The following STARD13 variants were observed in gnomAD, a reference collection of about 807,000 sequenced individuals.
STARD13 encodes StAR related lipid transfer domain containing 13.
STARD13 carries 62 observed loss-of-function variants against 106.4 expected under a neutral mutation model. The ratio of observed to expected loss-of-function variants is 0.58; its 90% CI spans 0.48 to 0.72. The LOEUF is 0.72. STARD13 is among the 30% of genes least tolerant of loss of function. The pLI, the probability that STARD13 is intolerant of heterozygous loss-of-function variation, is 0.00. For missense variants in STARD13, 1,387 were observed against 1,424.0 expected, an observed-to-expected ratio of 0.97 and a Z score of 0.42; for synonymous variants, 565 against 553.0, an observed-to-expected ratio of 1.02 and a Z score of -0.31.
the STARD13 span, among the ~76,000 whole-genome samples, chr13:33,499,603 CT>C: frequency 0.3 from 13,267 of 43,614 alleles, 2,272 homozygotes; most frequent in Non-Finnish European, 0.34. Flanking sequence ...TCTTCTTCTT[CT>C]TTCTTCTTCT....
At chr13:33,108,447 G>A (rs186970479) in intron 12 of STARD13, among the ~76,000 whole-genome samples, 13 of 150,728 alleles carry the variant, frequency 8.6e-5, no homozygotes, top group East Asian at 5.8e-4. Context: ...GCAAGACCCC[G>A]CCCTGACCAT....
chr13:33,127,192 T>G (rs1379329900), intron 6 of STARD13, among the ~76,000 whole-genome samples, 181 bp downstream of exon 6: 9 of 152,246 alleles, frequency 5.9e-5, no homozygotes, highest in Admixed American at 5.9e-4. Context: ...AATAGAGCAA[T>G]GTTTCCTGTA....
At chr13:33,602,166 G>A in the STARD13 span, among the ~76,000 whole-genome samples, 14 of 149,136 alleles carry the variant, frequency 9.4e-5, no homozygotes, top group African/African-American at 3.0e-4. Flanking sequence ...ATCTCAGCTC[G>A]CTGCAACCTC....
At chr13:33,626,143 A>T in the STARD13 span, among the ~76,000 whole-genome samples, 10 of 152,228 alleles carry the variant, frequency 6.6e-5, no homozygotes, top group Non-Finnish European at 4.4e-5. Flanking sequence ...ACACACACAC[A>T]CATCTGCACA....
intron 1 of STARD13, among the ~76,000 whole-genome samples, chr13:33,228,704 A>C (rs1888746918): frequency 1.3e-5 from 2 of 152,218 alleles, no homozygotes; most frequent in South Asian, 4.1e-4. Context: ...ACAGTTTTAC[A>C]CCTTCGAATA....
the STARD13 span, among the ~76,000 whole-genome samples, chr13:33,608,903 G>A: frequency 1.3e-4 from 20 of 151,812 alleles, no homozygotes; most frequent in Non-Finnish European, 2.6e-4. Flanking sequence ...TGGCTAACAC[G>A]GTGAAACCCT....
chr13:33,380,485 C>T, the STARD13 span, among the ~76,000 whole-genome samples: 4 of 134,206 alleles, frequency 3.0e-5, no homozygotes, highest in Non-Finnish European at 6.3e-5. Flanking sequence ...CCCACCCCCC[C>T]CACACACAAA....
At chr13:33,578,721 A>C in the STARD13 span, among the ~76,000 whole-genome samples, 1 of 152,260 alleles carries the variant, frequency 6.6e-6, no homozygotes, top group Non-Finnish European at 1.5e-5. Flanking sequence ...GACAACCCAC[A>C]ATGAGAGAAA....
chr13:33,492,898 A>G, the STARD13 span, among the ~76,000 whole-genome samples: 51 of 152,332 alleles, frequency 3.3e-4, no homozygotes, highest in Admixed American at 3.3e-4. Context: ...CCTTTCCAGT[A>G]ACAATTATGT....
chr13:33,524,133 T>C, the STARD13 span: 4 of 481,730 alleles, frequency 8.3e-6, no homozygotes, highest in Non-Finnish European at 1.1e-5. Context: ...ACAAGAAAAA[T>C]AGATAATTTG....
the STARD13 span, among the ~76,000 whole-genome samples, chr13:33,668,093 G>A: frequency 2.6e-5 from 4 of 152,140 alleles, no homozygotes; most frequent in East Asian, 1.9e-4. Flanking sequence ...ATGTGGCTGC[G>A]CTGGAGTCTC....
intron 1 of STARD13, among the ~76,000 whole-genome samples, chr13:33,305,907 C>T (rs1282350335): frequency 1.3e-5 from 2 of 152,152 alleles, no homozygotes; most frequent in African/African-American, 4.8e-5. Flanking sequence ...CTGCTTAAAG[C>T]AATTTATAGA....
At chr13:33,444,137 C>G in the STARD13 span, among the ~76,000 whole-genome samples, 2 of 152,082 alleles carry the variant, frequency 1.3e-5, no homozygotes, top group Non-Finnish European at 2.9e-5. Flanking sequence ...TGGGTTTTCT[C>G]TGGGTATTGT....
chr13:33,162,899 C>G (rs1482740671), intron 3 of STARD13, among the ~76,000 whole-genome samples: 2 of 152,100 alleles, frequency 1.3e-5, no homozygotes, highest in African/African-American at 4.8e-5. Context: ...TTTCAGGTAT[C>G]TTTTCAGAAA....
At chr13:33,137,919 G>A in intron 4 of STARD13, among the ~76,000 whole-genome samples, 1 of 152,254 alleles carries the variant, frequency 6.6e-6, no homozygotes, top group East Asian at 1.9e-4. Flanking sequence ...GCAAGGGAGT[G>A]GGAAGTAGGG....
chr13:33,446,651 T>C, the STARD13 span, among the ~76,000 whole-genome samples: 1 of 151,116 alleles, frequency 6.6e-6, no homozygotes, highest in Non-Finnish European at 1.5e-5. Flanking sequence ...AATCTCTCTG[T>C]TTCTAAATAT....
At chr13:33,443,777 G>C in the STARD13 span, among the ~76,000 whole-genome samples, 1 of 151,598 alleles carries the variant, frequency 6.6e-6, no homozygotes, top group Admixed American at 6.6e-5. Context: ...CCAGCTACTT[G>C]GGAGGCTGAG....
the STARD13 span, among the ~76,000 whole-genome samples, chr13:33,580,878 G>A: frequency 1.3e-5 from 2 of 152,044 alleles, no homozygotes; most frequent in Non-Finnish European, 2.9e-5. Flanking sequence ...ATACAAAAAA[G>A]TATCAAAACT....
In STARD13 at chr13:33,111,654, A is replaced by G; in HGVS notation, c.2607+124T>C. 11 of 647,860 alleles carry G rather than the reference A, an allele frequency of 1.7e-5. No individual in the cohort carries two copies. The South Asian group carries it at 2.1e-4, about 12-fold the overall frequency. 40.1% of individuals were successfully genotyped at this position (647,860 alleles called of 1,614,324 possible). A position where few individuals can be genotyped will look rare whatever the true frequency, so the allele number is the denominator to read the frequency against. Reference sequence around the variant, plus strand: ...CTTGGAAGCAAACACCAGAGCTATAACATATACTATTGTCATAAAATCAGG... The same window carrying G: ...CTTGGAAGCAAACACCAGAGCTATAGCATATACTATTGTCATAAAATCAGG... On this transcript the variant is annotated intron_variant, in intron 10 of 13. Transcript: ENST00000336934.
Sources: gnomAD v4.1 joint callset for allele counts (sites outside exome capture counted in the v4.1 genomes callset) on GRCh38, gnomAD v4.1.1 for gene constraint, MANE v1.5 for transcripts, NCBI Gene and HGNC (gene_info 2026-07-23, HGNC 2026-07-21) for gene names.